Variants in ARHGAP15 observed in about 807,000 individuals in gnomAD.
ARHGAP15 encodes the protein Rho GTPase activating protein 15, also known as rho GTPase-activating protein 15.
ARHGAP15 carries 51 observed loss-of-function variants against 63.7 expected under a neutral mutation model. The observed-to-expected ratio is 0.80, with a 90% CI of 0.64 to 1.01. ARHGAP15 has a LOEUF of 1.01. Among genes scored for constraint, ARHGAP15 ranks in the 50% least tolerant of loss-of-function variants. The pLI, the probability that ARHGAP15 is intolerant of heterozygous loss-of-function variation, is 0.00. For missense variants in ARHGAP15, 560 were observed against 564.6 expected (o/e 0.99, Z 0.08); for synonymous variants, 191 against 193.8 (o/e 0.99, Z 0.12).
intron 6 of ARHGAP15, among the ~76,000 whole-genome samples, chr2:143,360,533 A>T (rs79979614): frequency 1.8e-4 from 28 of 152,142 alleles, no homozygotes; most frequent in Non-Finnish European, 4.1e-4. Context: ...AATATTAGAT[A>T]TATTTCCTCT....
intron 12 of ARHGAP15, among the ~76,000 whole-genome samples, chr2:143,697,869 T>A (rs1683919979): frequency 6.6e-6 from 1 of 152,158 alleles, no homozygotes; most frequent in Non-Finnish European, 1.5e-5. Flanking sequence ...CTAACTAAAT[T>A]CGGAAATGGC....
chr2:143,328,301 C>T lies in ARHGAP15; in HGVS notation c.474+77701C>T, dbSNP rs182894041. 8.4e-4 allele frequency among the ~76,000 whole-genome samples: 128 copies of T among 152,174 alleles called. 2 individuals are homozygous for T. Among genetic ancestry groups the T allele is most frequent in the Admixed American group, 7.3e-3 (111 of 15,272 alleles). On this transcript the variant is annotated intron_variant, in intron 6 of 13. Transcript: ENST00000295095. Reference sequence around the variant, plus strand: ...AAGACACATGCACATGTATGTTTATCGCAGCACTGTTCATGATAGCAAAGA... The same window carrying T: ...AAGACACATGCACATGTATGTTTATTGCAGCACTGTTCATGATAGCAAAGA...
At chr2:143,606,414 A>G (rs909707089) in intron 11 of ARHGAP15, among the ~76,000 whole-genome samples, 3 of 152,224 alleles carry the variant, frequency 2.0e-5, no homozygotes, top group Non-Finnish European at 2.9e-5. Flanking sequence ...GTAATGCACT[A>G]TATCAATATT....
intron 6 of ARHGAP15, among the ~76,000 whole-genome samples, chr2:143,412,380 T>TAA (rs1688485482): frequency 6.6e-6 from 1 of 152,180 alleles, no homozygotes; most frequent in Non-Finnish European, 1.5e-5. Flanking sequence ...TTGATATATA[T>TAA]AATGGTGATA....
intron 12 of ARHGAP15, among the ~76,000 whole-genome samples, chr2:143,643,436 C>T (rs970131757): frequency 7.0e-5 from 9 of 129,206 alleles, no homozygotes; most frequent in African/African-American, 2.2e-4. Context: ...CACCCCCCCC[C>T]ACCAAAAAAA....
At chr2:143,587,770 T>C in intron 11 of ARHGAP15, 1 of 470,440 alleles carries the variant, frequency 2.1e-6, no homozygotes, top group Non-Finnish European at 4.4e-6. Context: ...TTCACAGTGG[T>C]CATTTGACCT....
chr2:143,416,500 T>C (rs1393396185), intron 6 of ARHGAP15, among the ~76,000 whole-genome samples: 1 of 152,192 alleles, frequency 6.6e-6, no homozygotes, highest in Non-Finnish European at 1.5e-5. Context: ...GGTCTCCCCG[T>C]TGTTCTTTGT....
chr2:143,560,597 T>A (rs1366113952), intron 11 of ARHGAP15, among the ~76,000 whole-genome samples: 1 of 152,250 alleles, frequency 6.6e-6, no homozygotes, highest in Non-Finnish European at 1.5e-5. Flanking sequence ...ATTAGTCTTT[T>A]CATGCTACAC....
intron 12 of ARHGAP15, among the ~76,000 whole-genome samples, chr2:143,701,767 G>A (rs1684100066): frequency 6.6e-6 from 1 of 151,822 alleles, no homozygotes; most frequent in Admixed American, 6.6e-5. Flanking sequence ...GACAGTGCAG[G>A]ACTAGTATGA....
At chr2:143,237,075 G>A (rs916065010) in intron 5 of ARHGAP15, 1 of 152,094 alleles carries the variant, frequency 6.6e-6, no homozygotes, top group African/African-American at 2.4e-5. Flanking sequence ...CATTCTGTAG[G>A]TAATGTGGGG....
At chr2:143,283,392 CA>C (rs1681950053) in intron 6 of ARHGAP15, among the ~76,000 whole-genome samples, 1 of 152,040 alleles carries the variant, frequency 6.6e-6, no homozygotes, top group Non-Finnish European at 1.5e-5. Context: ...TGTCTGTGCT[CA>C]AAAATTTGAA....
intron 11 of ARHGAP15, among the ~76,000 whole-genome samples, chr2:143,561,311 A>C (rs956484420): frequency 6.6e-6 from 1 of 152,170 alleles, no homozygotes; most frequent in African/African-American, 2.4e-5. Flanking sequence ...AGAGATTGGC[A>C]TTCTTTTTGG....
At chr2:143,622,785 A>T (rs1410846532) in intron 11 of ARHGAP15, among the ~76,000 whole-genome samples, 5 of 13,816 alleles carry the variant, frequency 3.6e-4, no homozygotes, top group Non-Finnish European at 5.9e-3. Context: ...TTTATTTAAA[A>T]AAAAAAAAAA....
chr2:143,664,048 T>C (rs2105331092), intron 12 of ARHGAP15, among the ~76,000 whole-genome samples: 1 of 151,400 alleles, frequency 6.6e-6, no homozygotes, highest in East Asian at 1.9e-4. Flanking sequence ...AACTCAGCTC[T>C]GCACCAAGCG....
chr2:143,525,978 C>T (rs889420871), intron 10 of ARHGAP15, among the ~76,000 whole-genome samples: 3 of 152,082 alleles, frequency 2.0e-5, no homozygotes, highest in Admixed American at 6.6e-5. Flanking sequence ...GAAAACATTG[C>T]CATCTCTGCC....
At chr2:143,449,909 A>AT (rs1372430797) in intron 8 of ARHGAP15, among the ~76,000 whole-genome samples, 2 of 152,104 alleles carry the variant, frequency 1.3e-5, no homozygotes, top group African/African-American at 4.8e-5. Context: ...TGCCCCTAAA[A>AT]TGTCCAGTCT....
At chr2:143,627,141 A>C (rs973857194) in intron 12 of ARHGAP15, among the ~76,000 whole-genome samples, 3 of 152,200 alleles carry the variant, frequency 2.0e-5, no homozygotes, top group Non-Finnish European at 4.4e-5. Flanking sequence ...AACAGTGAGA[A>C]GGAAATTTCT....
At chr2:143,584,593 T>A (rs1180072833) in intron 11 of ARHGAP15, among the ~76,000 whole-genome samples, 1 of 152,010 alleles carries the variant, frequency 6.6e-6, no homozygotes, top group Non-Finnish European at 1.5e-5. Context: ...GCCACTGCAC[T>A]CAAGTCTGGG....
chr2:143,632,093 A>G (rs1245419536), intron 12 of ARHGAP15, among the ~76,000 whole-genome samples: 1 of 151,704 alleles, frequency 6.6e-6, no homozygotes, highest in Non-Finnish European at 1.5e-5. Context: ...TACAGTGTGT[A>G]ACAATCAAAT....
Sources: gnomAD v4.1 joint callset for allele counts (sites outside exome capture counted in the v4.1 genomes callset) on GRCh38, gnomAD v4.1.1 for gene constraint, MANE v1.5 for transcripts, NCBI Gene and HGNC (gene_info 2026-07-23, HGNC 2026-07-21) for gene names.